The following MED25 variants were observed in gnomAD, a reference collection of about 807,000 sequenced individuals.
MED25 encodes the protein mediator complex subunit 25.
MED25 carries 62 observed loss-of-function variants against 89.4 expected under a neutral mutation model. That is an observed-to-expected ratio of 0.69 (90% confidence interval 0.57 to 0.86). The LOEUF is 0.86. Ranked by LOEUF, MED25 falls within the 40% of genes least tolerant of loss-of-function variation. MED25 has a pLI of 0.00. For missense variants in MED25, 905 were observed against 1,005.2 expected, an observed-to-expected ratio of 0.90 and a Z score of 1.35; for synonymous variants, 449 against 427.9, an observed-to-expected ratio of 1.05 and a Z score of -0.61.
At position 49,832,303 on chromosome 19, in the gene MED25, C is replaced by G. The variant is rs368189393; in HGVS notation, c.1375-5C>G. The G allele has an allele frequency of 1.3e-6, 2 of 1,597,416 alleles. No individual in the cohort carries two copies. Among genetic ancestry groups the G allele is most frequent in the East Asian group, 4.5e-5 (2 of 44,408 alleles). Reference sequence around the variant, plus strand: ...CATGCCAGCCGACTTCTGTGTCTCCCGCAGACCACCCTGGGCCCTTTGTTC... The same window carrying G: ...CATGCCAGCCGACTTCTGTGTCTCCGGCAGACCACCCTGGGCCCTTTGTTC... On this transcript the variant is annotated splice_polypyrimidine_tract_variant and splice_region_variant and intron_variant, in intron 12 of 17. Coordinates refer to ENST00000312865, the MANE Select transcript of MED25 (RefSeq NM_030973.4).
At position 49,818,569 on chromosome 19, in the gene MED25, A is replaced by G; in HGVS notation, c.135-2A>G. On this transcript the variant is annotated splice_acceptor_variant, in intron 1 of 17. Coordinates refer to ENST00000312865, the MANE Select transcript of MED25 (RefSeq NM_030973.4). LOFTEE classifies it high-confidence loss of function. The stretch of plus-strand genomic sequence containing the variant: ...CCGACCTTTCACTTCCTACCCTCAC[A>G]GGTATTTTAATGGTGGTCCTCCTGC... 6.2e-7 allele frequency: 1 copy of G among 1,614,124 alleles called. No homozygotes were observed. Among genetic ancestry groups the G allele is most frequent in the Non-Finnish European group, 8.5e-7 (1 of 1,180,014 alleles).
intron 3 of MED25, chr19:49,819,618 A>G (rs1204417818): frequency 1.1e-5 from 4 of 376,240 alleles, no homozygotes; most frequent in East Asian, 6.8e-5. Context: ...CAATGTTGCC[A>G]TCAGTTTAGA....
chr19:49,825,097 C>T (rs968241071), intron 3 of MED25, among the ~76,000 whole-genome samples: 7 of 152,138 alleles, frequency 4.6e-5, no homozygotes, highest in Admixed American at 6.5e-5. Flanking sequence ...TTCTTCTGTT[C>T]AAGTTTTCCA....
rs1436966699 is a variant in MED25, at chr19:49,828,806, A to C, written c.405-164A>C. ...CTGCCTGCTGGGTGACGTAGAGCACATCCCAGAACCTCTTGGAGCCTCAGT... is the reference window on the plus strand; with the variant it reads ...CTGCCTGCTGGGTGACGTAGAGCACCTCCCAGAACCTCTTGGAGCCTCAGT... On this transcript the variant is annotated intron_variant, in intron 4 of 17. Coordinates refer to ENST00000312865, the MANE Select transcript of MED25 (RefSeq NM_030973.4). Among the ~76,000 whole-genome samples the C allele has an allele frequency of 5.3e-5, 8 of 152,198 alleles. No homozygotes were observed. In the East Asian group the frequency reaches 1.5e-3, roughly 29 times the overall value.
intron 4 of MED25, 115 bp downstream of exon 4, chr19:49,828,662 C>T: frequency 1.0e-6 from 1 of 990,072 alleles, no homozygotes; most frequent in Non-Finnish European, 1.6e-6. Flanking sequence ...GGCTCTGTGT[C>T]CCCAAGCACG....
chr19:49,837,654 G>A (rs919340385), downstream of MED25, among the ~76,000 whole-genome samples: 5 of 152,138 alleles, frequency 3.3e-5, no homozygotes, highest in Admixed American at 2.0e-4. Flanking sequence ...GTTCGCTCCC[G>A]GGGGCCAGGC....
At chr19:49,824,555 A>G (rs2074003029) in intron 3 of MED25, among the ~76,000 whole-genome samples, 1 of 151,106 alleles carries the variant, frequency 6.6e-6, no homozygotes, top group African/African-American at 2.4e-5. Flanking sequence ...ACCGCACTCC[A>G]GCCTGGGTGA....
chr19:49,834,929 G>A lies in MED25; in HGVS notation c.1483-57G>A. The A allele has an allele frequency of 6.3e-7, 1 of 1,581,672 alleles. No homozygotes were observed. The highest frequency in any genetic ancestry group is 8.7e-7 in the Non-Finnish European group (1 of 1,153,182). ...CTAGAGCCTTCTGGAATGGGGAGGG[G>A]GTCAGGGCTGCCTCTTTCAGGGCCT... On this transcript the variant is annotated intron_variant, in intron 13 of 17. Coordinates refer to ENST00000312865, the MANE Select transcript of MED25 (RefSeq NM_030973.4). This position sits in a 1 kb window ranked among gnomAD's most constrained non-coding sequence, Gnocchi z 4.1.
chr19:49,819,689 C>T (rs1387344719), intron 3 of MED25: 2 of 347,848 alleles, frequency 5.7e-6, no homozygotes, highest in Non-Finnish European at 1.1e-5. Context: ...ACCTTGTACT[C>T]CCTGTGTGAT....
Position 49,836,744 on chromosome 19 carries a change from C to T in MED25, c.2147-103C>T. ...AACTAGATGGGGCCAGAAGGTGCTT[C>T]TGTTGGGTCCCCCAAGGGCTGCCTA... On this transcript the variant is annotated intron_variant, in intron 17 of 17. Transcript: ENST00000312865. The surrounding 1 kb of genome is among the most constrained non-coding windows in gnomAD (Gnocchi z 5.1). 1 of 863,566 alleles carries T rather than the reference C, an allele frequency of 1.2e-6. No individual in the cohort carries two copies. The highest frequency in any genetic ancestry group is 1.4e-5 in the South Asian group (1 of 70,482). The allele number at this position is 863,566 out of a possible 1,614,324, so 53.5% of individuals were successfully genotyped here. A position where few individuals can be genotyped will look rare whatever the true frequency, so the allele number is the denominator to read the frequency against.
At position 49,830,972 on chromosome 19, in the gene MED25, C is replaced by A; in HGVS notation, c.1101+85C>A. On this transcript the variant is annotated intron_variant, in intron 9 of 17. Transcript: ENST00000312865. This position sits in a 1 kb window ranked among gnomAD's most constrained non-coding sequence, Gnocchi z 4.6. ...GTTAGAGGATGAGTCATTTGCCTTC[C>A]AGGGGGATGTGGCTCTCGTGGTTCT... 7.0e-7 allele frequency: 1 copy of A among 1,432,898 alleles called. No homozygotes were observed. The highest frequency in any genetic ancestry group is 9.7e-7 in the Non-Finnish European group (1 of 1,030,202). The allele number at this position is 1,432,898 out of a possible 1,614,324, so 88.8% of individuals were successfully genotyped here.
In MED25 at chr19:49,835,783, C is replaced by T; in HGVS notation, c.1803C>T (p.Ala601=). The T allele has an allele frequency of 6.2e-7, 1 of 1,606,236 alleles. No individual in the cohort carries two copies. Among genetic ancestry groups the T allele is most frequent in the Non-Finnish European group, 8.5e-7 (1 of 1,174,776 alleles). ...QPQGTVGASG[A]TGQPQPQGTA... is the part of the protein sequence containing the mutation. Reference sequence around the variant, plus strand: ...AGGGTACCGTAGGGGCCTCTGGGGCCACGGGGCAGCCCCAGCCCCAAGGTA... The same window carrying T: ...AGGGTACCGTAGGGGCCTCTGGGGCTACGGGGCAGCCCCAGCCCCAAGGTA... The change falls in exon 16 of 18, where the codon GCC becomes GCT. Residue 601 remains alanine, a synonymous_variant. Transcript: ENST00000312865. This position sits in a 1 kb window ranked among gnomAD's most constrained non-coding sequence, Gnocchi z 6.2.
intron 13 of MED25, chr19:49,832,931 C>G (rs970755369): frequency 2.4e-5 from 5 of 210,274 alleles, no homozygotes; most frequent in Non-Finnish European, 4.9e-5. Context: ...TGTCTTCCCT[C>G]TGTGTGTGTC....
At position 49,836,321 on chromosome 19, in the gene MED25, G is replaced by A. The variant is rs751782742; in HGVS notation, c.2061G>A (p.Gly687=). The change falls in exon 17 of 18, where the codon GGG becomes GGA. Residue 687 remains glycine, a synonymous_variant. Coordinates refer to ENST00000312865, the MANE Select transcript of MED25 (RefSeq NM_030973.4). This position sits in a 1 kb window ranked among gnomAD's most constrained non-coding sequence, Gnocchi z 5.1. The part of the protein sequence containing the change: ...ALLPPPHQGL[G]QPQLGPPLLH... ...TGCCTCCGCCGCACCAGGGCCTGGG[G>A]CAGCCCCAGTTGGGGCCCCCACTCC... 1.2e-6 allele frequency: 2 copies of A among 1,610,902 alleles called. No homozygotes were observed. Among genetic ancestry groups the A allele is most frequent in the Middle Eastern group, 1.7e-4 (1 of 6,050 alleles).
chr19:49,828,228 C>CAA (rs35999270), intron 3 of MED25, among the ~76,000 whole-genome samples: 2,014 of 115,728 alleles, frequency 0.017, 19 homozygotes, highest in African/African-American at 0.033. Context: ...GACTCCATCT[C>CAA]AAAAAAAAAA....
chr19:49,835,668 C>T lies in MED25; in HGVS notation c.1747-59C>T. On this transcript the variant is annotated intron_variant, in intron 15 of 17. Transcript: ENST00000312865. This position sits in a 1 kb window ranked among gnomAD's most constrained non-coding sequence, Gnocchi z 6.2. Reference sequence around the variant, plus strand: ...GAGGCCCCAAGGCTGCGCTCTGTGCCTGCAGAAGGGGCGTGAGGCCCTGCC... The same window carrying T: ...GAGGCCCCAAGGCTGCGCTCTGTGCTTGCAGAAGGGGCGTGAGGCCCTGCC... 2 of 1,577,820 alleles carry T rather than the reference C, an allele frequency of 1.3e-6. No homozygotes were observed. The highest frequency in any genetic ancestry group is 2.3e-5 in the South Asian group (2 of 86,594).
At chr19:49,832,538 A>G in intron 13 of MED25, 123 bp downstream of exon 13, 1 of 705,104 alleles carries the variant, frequency 1.4e-6, no homozygotes, top group Non-Finnish European at 2.6e-6. Context: ...GGTGCACTTC[A>G]TGCCCTTAGG....
At chr19:49,822,857 C>T (rs527623254) in intron 3 of MED25, among the ~76,000 whole-genome samples, 17 of 151,878 alleles carry the variant, frequency 1.1e-4, no homozygotes, top group African/African-American at 2.4e-4. Context: ...CTGTGTTAGC[C>T]GGGATGGTCT....
chr19:49,820,896 T>C (rs897112378), intron 3 of MED25, among the ~76,000 whole-genome samples: 1 of 152,264 alleles, frequency 6.6e-6, no homozygotes, highest in African/African-American at 2.4e-5. Context: ...CCTCTGTGCC[T>C]AGTATCTCAC....
Sources: gnomAD v4.1 joint callset for allele counts (sites outside exome capture counted in the v4.1 genomes callset) on GRCh38, gnomAD v4.1.1 for gene constraint, Gnocchi (gnomAD v3.1) non-coding constraint, MANE v1.5 for transcripts, NCBI Gene and HGNC (gene_info 2026-07-23, HGNC 2026-07-21) for gene names.